YBEY: variants seen among roughly 807,000 people sequenced by gnomAD.
The protein encoded by YBEY is endoribonuclease YbeY.
In YBEY, 15 loss-of-function variants were observed where a neutral mutation model predicts 13.5. That is an observed-to-expected ratio of 1.11 (90% CI 0.75 to 1.72). The LOEUF (loss-of-function observed/expected upper bound fraction) is 1.72. Among genes scored for constraint, YBEY ranks in the 40% most tolerant of loss-of-function variants. YBEY has a pLI of 0.00. For missense variants in YBEY, 244 were observed against 208.4 expected, an observed-to-expected ratio of 1.17 and a Z score of -1.05; for synonymous variants, 101 against 83.1, an observed-to-expected ratio of 1.21 and a Z score of -1.17.
intron 3 of YBEY, among the ~76,000 whole-genome samples, chr21:46,295,520 G>T (rs572274534): frequency 2.6e-5 from 4 of 152,040 alleles, no homozygotes; most frequent in African/African-American, 7.2e-5. Context: ...CCAGCTCTGG[G>T]CTCCATCCGG....
intron 2 of YBEY, among the ~76,000 whole-genome samples, chr21:46,290,278 T>C (rs986864593): frequency 1.3e-5 from 2 of 152,056 alleles, no homozygotes; most frequent in Non-Finnish European, 2.9e-5. Flanking sequence ...GTCTAGGGGC[T>C]CACTGCAACC....
chr21:46,296,297 C>A (rs2081949845), intron 4 of YBEY, 67 bp downstream of exon 4: 2 of 1,575,688 alleles, frequency 1.3e-6, no homozygotes, highest in Admixed American at 1.7e-5. Context: ...CAGGCCCCTG[C>A]CAGCCCCCAC....
the YBEY span, among the ~76,000 whole-genome samples, chr21:46,312,814 C>G: frequency 6.6e-6 from 1 of 152,204 alleles, no homozygotes; most frequent in Non-Finnish European, 1.5e-5. Context: ...AACAGGCGTT[C>G]TCAATTCTGT....
chr21:46,292,007 T>G, intron 3 of YBEY: 1 of 305,672 alleles, frequency 3.3e-6, no homozygotes, highest in Non-Finnish European at 4.8e-6. Context: ...ACAGGCAATT[T>G]GGCAGGCAGG....
At chr21:46,304,413 G>T in the YBEY span, among the ~76,000 whole-genome samples, 1 of 151,532 alleles carries the variant, frequency 6.6e-6, no homozygotes, top group East Asian at 2.0e-4. Context: ...CTTGAGCCCA[G>T]AAGTTGAGGC....
intron 3 of YBEY, chr21:46,292,275 A>T (rs1039918454): frequency 6.6e-6 from 1 of 152,244 alleles, no homozygotes; most frequent in Non-Finnish European, 1.5e-5. Context: ...TGGCTGCGTG[A>T]GTCCTGAGCA....
chr21:46,311,346 T>G, the YBEY span: 39 of 486,940 alleles, frequency 8.0e-5, no homozygotes, highest in African/African-American at 7.3e-4. Context: ...ATTATTTTCA[T>G]GTTGAACAGC....
chr21:46,298,506 A>G (rs11909236), downstream of YBEY, among the ~76,000 whole-genome samples: 84,827 of 139,156 alleles, frequency 0.61, 27,240 homozygotes, highest in Non-Finnish European at 0.72. Flanking sequence ...TCGGCTCACT[A>G]CAGGCTCCGC....
chr21:46,288,146 A>C (rs148248458), intron 2 of YBEY, among the ~76,000 whole-genome samples: 1 of 152,344 alleles, frequency 6.6e-6, no homozygotes, highest in African/African-American at 2.4e-5. Flanking sequence ...TTCGTTAATG[A>C]ATATGTGCAC....
At chr21:46,291,000 G>C (rs2081676961) in intron 2 of YBEY, among the ~76,000 whole-genome samples, 1 of 141,594 alleles carries the variant, frequency 7.1e-6, no homozygotes, top group Non-Finnish European at 1.5e-5. Context: ...TGGGCAACAA[G>C]AGGGAAACTC....
At chr21:46,296,412 G>C (rs1265492164) in intron 4 of YBEY, among the ~76,000 whole-genome samples, 182 bp downstream of exon 4, 1 of 152,104 alleles carries the variant, frequency 6.6e-6, no homozygotes, top group Non-Finnish European at 1.5e-5. Flanking sequence ...ACTTCCAGCT[G>C]AATGTGTTCA....
Position 46,291,411 on chromosome 21 carries a change from G to A in YBEY, c.288G>A (p.Glu96=). ...YNLGDIFLGV[E]YIFHQCKENE... ...TGGGAGACATTTTCCTAGGAGTGGA[G>A]TATATCTTCCATCAGTGTAAAGAAA... The change falls in exon 3 of 5, where the codon GAG becomes GAA. Residue 96 remains glutamate, a synonymous_variant. Coordinates refer to ENST00000397701, the MANE Select transcript of YBEY (RefSeq NM_001314025.2). 3 of 1,614,148 alleles carry A rather than the reference G, an allele frequency of 1.9e-6. No individual in the cohort carries two copies. Among genetic ancestry groups the A allele is most frequent in the Non-Finnish European group, 2.5e-6 (3 of 1,180,022 alleles).
intron 3 of YBEY, among the ~76,000 whole-genome samples, chr21:46,294,807 T>G (rs1601597732): frequency 3.3e-5 from 5 of 151,246 alleles, no homozygotes; most frequent in African/African-American, 1.2e-4. Context: ...CATGTATGAG[T>G]GAATCATACT....
chr21:46,303,677 T>TACAC, the YBEY span, among the ~76,000 whole-genome samples: 2 of 33,170 alleles, frequency 6.0e-5, no homozygotes, highest in African/African-American at 2.1e-4. Flanking sequence ...ACCTCATCTC[T>TACAC]ACACACACAC....
intron 4 of YBEY, among the ~76,000 whole-genome samples, chr21:46,296,942 C>G (rs138957598): frequency 2.7e-5 from 4 of 149,584 alleles, no homozygotes; most frequent in Admixed American, 2.0e-4. Flanking sequence ...TGTGGTTAGC[C>G]GAGAGATCGC....
chr21:46,301,042 C>A, downstream of YBEY: 1 of 1,036,556 alleles, frequency 9.6e-7, no homozygotes, highest in Non-Finnish European at 1.2e-6. Context: ...GCTGTGCAAA[C>A]CAGCATGTAG....
intron 2 of YBEY, among the ~76,000 whole-genome samples, chr21:46,289,441 G>GGTT (rs2081599857): frequency 7.3e-6 from 1 of 136,520 alleles, no homozygotes; most frequent in Non-Finnish European, 1.6e-5. Flanking sequence ...GAAGGCAAGG[G>GGTT]TTTTGTTTTT....
intron 1 of YBEY, 48 bp from the exon 2 acceptor site, chr21:46,286,822 C>T (rs533530598): frequency 3.6e-6 from 4 of 1,125,550 alleles, no homozygotes; most frequent in Admixed American, 2.3e-5. Context: ...TTTTACAGAC[C>T]GTATTATCAC....
At chr21:46,291,619 G>T (rs1387696851) in intron 3 of YBEY, 157 bp downstream of exon 3, 3 of 1,444,868 alleles carry the variant, frequency 2.1e-6, no homozygotes, top group Non-Finnish European at 2.7e-6. Context: ...ACCCAGGCTG[G>T]GTAGGGACTG....
Sources: allele counts gnomAD v4.1 joint callset (sites outside exome capture counted in the v4.1 genomes callset), GRCh38; gene constraint gnomAD v4.1.1; transcripts MANE v1.5; gene names NCBI Gene and HGNC (gene_info 2026-07-23, HGNC 2026-07-21).